PCDHA8: variants seen among roughly 807,000 people sequenced by gnomAD.
The protein encoded by PCDHA8 is protocadherin alpha-8.
PCDHA8 carries 53 observed loss-of-function variants against 61.8 expected under a neutral mutation model. The ratio of observed to expected loss-of-function variants is 0.86; its 90% CI spans 0.69 to 1.08. The LOEUF is 1.08. Among genes scored for constraint, PCDHA8 ranks in the 50% least tolerant of loss-of-function variants. The pLI, the probability that PCDHA8 is intolerant of heterozygous loss-of-function variation, is 0.00. For missense variants in PCDHA8, 1,293 were observed against 1,245.0 expected, an observed-to-expected ratio of 1.04 and a Z score of -0.58; for synonymous variants, 618 against 556.6, an observed-to-expected ratio of 1.11 and a Z score of -1.55.
intron 1 of PCDHA8, among the ~76,000 whole-genome samples, chr5:140,890,099 A>G (rs1301934861): frequency 2.0e-5 from 3 of 152,086 alleles, no homozygotes; most frequent in African/African-American, 7.2e-5. Context: ...TTTATTCCCA[A>G]CTCTGGATTC....
chr5:140,967,935 A>C (rs186453952), intron 1 of PCDHA8: 1 of 1,614,214 alleles, frequency 6.2e-7, no homozygotes, highest in Admixed American at 1.7e-5. Context: ...CTCAGTGTCA[A>C]TGACCAAGAC....
chr5:140,912,635 T>G (rs1554195442), intron 1 of PCDHA8, among the ~76,000 whole-genome samples: 2 of 152,156 alleles, frequency 1.3e-5, no homozygotes, highest in Admixed American at 6.5e-5. Context: ...AGACTTTCAG[T>G]ACTATGTTGA....
intron 3 of PCDHA8, among the ~76,000 whole-genome samples, chr5:140,993,704 A>G (rs1032326931): frequency 3.3e-5 from 5 of 152,172 alleles, no homozygotes; most frequent in African/African-American, 1.2e-4. Flanking sequence ...TTGTAATACC[A>G]TATTTTTACT....
rs201969686 is a variant in PCDHA8, at chr5:140,898,775, T to A, written c.2394+55060T>A. ...GATGGCATTGAATCTGTAAATTACC[T>A]TGGGCAGTATGGCCATTTTCACGAT... On this transcript the variant is annotated intron_variant, in intron 1 of 3. Coordinates refer to ENST00000531613, the MANE Select transcript of PCDHA8 (RefSeq NM_018911.3). 9.9e-4 allele frequency among the ~76,000 whole-genome samples: 151 copies of A among 152,312 alleles called. 1 individual carries two copies. The East Asian group carries it at 0.026, about 26-fold the overall frequency.
At position 141,000,188 on chromosome 5, in the gene PCDHA8, A is replaced by G. The variant is rs182049578; in HGVS notation, c.2543-9439A>G. 8.6e-3 allele frequency among the ~76,000 whole-genome samples: 1,302 copies of G among 151,928 alleles called. 5 individuals carry two copies. Among genetic ancestry groups the G allele is most frequent in the Middle Eastern group, 0.017 (5 of 294 alleles). ...ATTATTGAGCCAAGGAGTCAATGTG[A>G]GAATAGTTTTTCACCTTCATTATCA... is the stretch of plus-strand genomic sequence containing the variant. On this transcript the variant is annotated intron_variant, in intron 3 of 3. Coordinates refer to ENST00000531613, the MANE Select transcript of PCDHA8 (RefSeq NM_018911.3).
At chr5:140,849,862 C>T (rs2150454518) in intron 1 of PCDHA8, 1 of 1,598,598 alleles carries the variant, frequency 6.3e-7, no homozygotes, top group African/African-American at 1.3e-5. Context: ...CCAGCGTTCG[C>T]GCAGTCCGAG....
rs2041539059 is a variant in PCDHA8, at chr5:140,850,345, G to A, written c.2394+6630G>A. On this transcript the variant is annotated intron_variant, in intron 1 of 3. Transcript: ENST00000531613. ...TACGAGCTGCAGCCAGAAACGGCCA[G>A]CGCGAGCATCCCGTTCCGCGTGGGG... 5.0e-6 allele frequency: 8 copies of A among 1,597,746 alleles called. 1 individual carries two copies. Among genetic ancestry groups the A allele is most frequent in the Non-Finnish European group, 6.9e-6 (8 of 1,167,738 alleles).
At position 141,003,207 on chromosome 5, in the gene PCDHA8, T is replaced by C. The variant is rs141066841; in HGVS notation, c.2543-6420T>C. On this transcript the variant is annotated intron_variant, in intron 3 of 3. Coordinates refer to ENST00000531613, the MANE Select transcript of PCDHA8 (RefSeq NM_018911.3). Reference sequence around the variant, plus strand: ...CATCAACTCAGGCAGCCAGGGTTAGTTTAGCATGAAAGAGGAAAGCTGGAA... The same window carrying C: ...CATCAACTCAGGCAGCCAGGGTTAGCTTAGCATGAAAGAGGAAAGCTGGAA... Among the ~76,000 whole-genome samples the C allele has an allele frequency of 6.3e-3, 959 of 152,338 alleles. 16 individuals carry two copies. The highest frequency in any genetic ancestry group is 0.021 in the African/African-American group (892 of 41,582).
chr5:140,884,684 T>C (rs2060315542), intron 1 of PCDHA8: 1 of 1,543,214 alleles, frequency 6.5e-7, no homozygotes. Flanking sequence ...TTTTAAAAAA[T>C]TGTCTTAGTA....
rs1333362831 is a variant in PCDHA8 at position 140,976,454 on chromosome 5, GGAA to G, written c.2395-2488_2395-2486del. Among the ~76,000 whole-genome samples, 4 of 152,214 alleles carry G rather than the reference GGAA, an allele frequency of 2.6e-5. No individual in the cohort carries two copies. The East Asian group carries it at 7.7e-4, about 29-fold the overall frequency. On this transcript the variant is annotated intron_variant, in intron 1 of 3. Transcript: ENST00000531613. Reference sequence around the variant, plus strand: ...TAATCCCAGCTACTAGGGAGGCTGGGGAAGAAGAATTGCTTGAATCCGGGAGGC... The same window carrying G: ...TAATCCCAGCTACTAGGGAGGCTGGGGAAGAATTGCTTGAATCCGGGAGGC...
intron 1 of PCDHA8, among the ~76,000 whole-genome samples, chr5:140,961,952 C>T (rs2095645754): frequency 6.6e-6 from 1 of 151,264 alleles, no homozygotes; most frequent in South Asian, 2.1e-4. Flanking sequence ...GGCATGATCT[C>T]GGCTCACTGC....
At chr5:140,882,301 G>T in intron 1 of PCDHA8, 1 of 1,613,800 alleles carries the variant, frequency 6.2e-7, no homozygotes, top group Non-Finnish European at 8.5e-7. Context: ...GCCCAAGACC[G>T]CGGCAACTAC....
At chr5:140,846,373 CTTTT>C (rs374699051) in intron 1 of PCDHA8, among the ~76,000 whole-genome samples, 1 of 55,152 alleles carries the variant, frequency 1.8e-5, no homozygotes, top group Admixed American at 2.3e-4. Flanking sequence ...TTCTTTCTTT[CTTTT>C]TTTTTTTTTT....
At chr5:140,999,327 G>A (rs1554256745) in intron 3 of PCDHA8, among the ~76,000 whole-genome samples, 1 of 152,200 alleles carries the variant, frequency 6.6e-6, no homozygotes, top group Non-Finnish European at 1.5e-5. Context: ...ATTGATCTGT[G>A]TGATTTATAA....
Position 140,927,005 on chromosome 5 carries a change from A to G in PCDHA8, c.2395-51944A>G, listed in dbSNP as rs1554203909. On this transcript the variant is annotated intron_variant, in intron 1 of 3. Coordinates refer to ENST00000531613, the MANE Select transcript of PCDHA8 (RefSeq NM_018911.3). ...ACGGAGCGGGGCGTAGCCGTAGGCA[A>G]TCTCTCCGCGGACTTGAGGCTGCCA... 6 of 1,612,394 alleles carry G rather than the reference A, an allele frequency of 3.7e-6. No homozygotes were observed. The South Asian group carries it at 4.4e-5, about 12-fold the overall frequency.
intron 1 of PCDHA8, chr5:140,856,974 T>C: frequency 6.3e-7 from 1 of 1,594,506 alleles, no homozygotes; most frequent in African/African-American, 1.3e-5. Context: ...GCTATTGACT[T>C]TGAGGACAGT....
chr5:140,986,218 T>A (rs2153838096), intron 3 of PCDHA8, among the ~76,000 whole-genome samples: 1 of 152,304 alleles, frequency 6.6e-6, no homozygotes, highest in Non-Finnish European at 1.5e-5. Flanking sequence ...GGCCCCTTTC[T>A]CTAGCCTCCC....
At chr5:140,851,516 TA>T in intron 1 of PCDHA8, 1 of 906,320 alleles carries the variant, frequency 1.1e-6, no homozygotes, top group Non-Finnish European at 1.3e-6. Flanking sequence ...AAATATGTTT[TA>T]AAATGCCTGA....
chr5:140,876,954 G>T (rs1554169149), intron 1 of PCDHA8: 1 of 1,613,432 alleles, frequency 6.2e-7, no homozygotes, highest in Non-Finnish European at 8.5e-7. Context: ...CCTACTCGCT[G>T]GTGGAGCGGC....
Sources: gnomAD v4.1 joint callset for allele counts (sites outside exome capture counted in the v4.1 genomes callset) on GRCh38, gnomAD v4.1.1 for gene constraint, MANE v1.5 for transcripts, NCBI Gene and HGNC (gene_info 2026-07-23, HGNC 2026-07-21) for gene names.